The following GABRA5 variants were observed in gnomAD, a reference collection of about 807,000 sequenced individuals.
The protein encoded by GABRA5 is gamma-aminobutyric acid type A receptor subunit alpha5.
A neutral mutation model predicts 47.3 loss-of-function variants in GABRA5; 18 were observed. The ratio of observed to expected loss-of-function variants is 0.38; its 90% confidence interval spans 0.26 to 0.56. The LOEUF (loss-of-function observed/expected upper bound fraction) is 0.56. Ranked by LOEUF, GABRA5 falls within the 20% of genes least tolerant of loss-of-function variation. GABRA5 has a pLI of 0.71. For synonymous variants in GABRA5, 237 were observed against 229.3 expected (o/e 1.03, Z -0.30); for missense variants, 365 against 599.3 (o/e 0.61, Z 4.08).
At chr15:26,914,918 A>T in intron 7 of GABRA5, 33 bp downstream of exon 7, 1 of 1,556,486 alleles carries the variant, frequency 6.4e-7, no homozygotes. Context: ...AGCCTTGGAC[A>T]TATACTTTGG....
intron 6 of GABRA5, among the ~76,000 whole-genome samples, chr15:26,893,818 G>T (rs1173774477): frequency 6.6e-6 from 1 of 152,060 alleles, no homozygotes; most frequent in African/African-American, 2.4e-5. Context: ...GAGAGGCTGG[G>T]CCAGGGGACC....
chr15:26,924,651 G>A (rs1043691938), intron 7 of GABRA5, among the ~76,000 whole-genome samples: 2 of 152,166 alleles, frequency 1.3e-5, no homozygotes, highest in Non-Finnish European at 1.5e-5. Context: ...CACCTGGTGA[G>A]GGCAGAAGTC....
intron 3 of GABRA5, chr15:26,877,698 G>A (rs1370305253): frequency 2.2e-6 from 1 of 454,970 alleles, no homozygotes; most frequent in African/African-American, 2.0e-5. Context: ...ACTCTTTCAA[G>A]TACCAAATAA....
At chr15:26,894,435 C>G (rs143023724) in intron 6 of GABRA5, among the ~76,000 whole-genome samples, 1 of 152,186 alleles carries the variant, frequency 6.6e-6, no homozygotes, top group South Asian at 2.1e-4. Flanking sequence ...GCTCCCGGAA[C>G]GATCCCGGGC....
In GABRA5 at chr15:26,874,008, A is replaced by T. The variant is rs1355083270; in HGVS notation, c.86+4674A>T. 1.3e-5 allele frequency among the ~76,000 whole-genome samples: 2 copies of T among 152,238 alleles called. 1 individual carries two copies. The highest frequency in any genetic ancestry group is 2.9e-5 in the Non-Finnish European group (2 of 68,044). ...GAAACTTTCAGCATGTTCAGCAGGCACTGAGCAGGCAGGAGAGTCGGCCAG... is the reference window on the plus strand; with the variant it reads ...GAAACTTTCAGCATGTTCAGCAGGCTCTGAGCAGGCAGGAGAGTCGGCCAG... On this transcript the variant is annotated intron_variant, in intron 3 of 10. Transcript: ENST00000335625.
chr15:26,941,466 A>AT (rs1894383087), intron 9 of GABRA5, among the ~76,000 whole-genome samples: 1 of 152,120 alleles, frequency 6.6e-6, no homozygotes, highest in Admixed American at 6.5e-5. Context: ...ATTTCTATTG[A>AT]TTCCTTTGGA....
In GABRA5 at chr15:26,949,185, T is replaced by G. The variant is rs144661291; in HGVS notation, c.*952T>G. 3 of 152,220 alleles carry G rather than the reference T, an allele frequency of 2.0e-5. No homozygotes were observed. The highest frequency in any genetic ancestry group is 4.4e-5 in the Non-Finnish European group (3 of 67,996). The allele number at this position is 152,220 out of a possible 1,614,324, so 9.4% of individuals were successfully genotyped here. ...TGAATCTTAAATGTTCATTAAAAAA[T>G]AAAAAATGAACTGATCTTGTGGACA... On this transcript the variant is annotated 3_prime_UTR_variant, in exon 11 of 11. Transcript: ENST00000335625.
rs984423678 is a variant in GABRA5, at chr15:26,883,888, G to A, written c.497+331G>A. Among the ~76,000 whole-genome samples the A allele has an allele frequency of 6.6e-6, 1 of 152,090 alleles. No individual in the cohort carries two copies. Among genetic ancestry groups the A allele is most frequent in the Non-Finnish European group, 1.5e-5 (1 of 68,030 alleles). On this transcript the variant is annotated intron_variant, in intron 6 of 10. Transcript: ENST00000335625. The surrounding 1 kb of genome is among the most constrained non-coding windows in gnomAD (Gnocchi z 4.8). ...AAACATCTAAGGAGGACCGGGCGTG[G>A]TGGCTCATGCCTGTACACCTTTAAT... is the stretch of plus-strand genomic sequence containing the variant.
intron 6 of GABRA5, among the ~76,000 whole-genome samples, chr15:26,894,127 C>T (rs903187001): frequency 3.5e-4 from 53 of 152,138 alleles, no homozygotes; most frequent in Non-Finnish European, 6.8e-4. Context: ...CGGGCAGAAG[C>T]CCTGCCCAGA....
At chr15:26,942,310 C>G (rs990396652) in intron 9 of GABRA5, among the ~76,000 whole-genome samples, 3 of 152,230 alleles carry the variant, frequency 2.0e-5, no homozygotes, top group Admixed American at 6.5e-5. Context: ...AGGGATCCAG[C>G]CTGGCTGTGT....
intron 6 of GABRA5, among the ~76,000 whole-genome samples, chr15:26,885,322 G>A (rs1392606512): frequency 2.7e-5 from 4 of 150,716 alleles, no homozygotes; most frequent in African/African-American, 9.8e-5. Flanking sequence ...AAAAGAATGT[G>A]GTGACTCAGG....
chr15:26,938,188 C>A (rs908848672), intron 8 of GABRA5, among the ~76,000 whole-genome samples: 1 of 152,340 alleles, frequency 6.6e-6, no homozygotes, highest in South Asian at 2.1e-4. Flanking sequence ...CACACACACG[C>A]AGTCAGCACC....
intron 6 of GABRA5, among the ~76,000 whole-genome samples, chr15:26,886,427 G>A (rs944728713): frequency 6.6e-6 from 1 of 152,204 alleles, no homozygotes; most frequent in East Asian, 1.9e-4. Flanking sequence ...AAGGGGAAGA[G>A]GCAGGAATGG....
In GABRA5 at chr15:26,948,553, C is replaced by G. The variant is rs887854813; in HGVS notation, c.*320C>G. 2 of 241,084 alleles carry G rather than the reference C, an allele frequency of 8.3e-6. No homozygotes were observed. The highest frequency in any genetic ancestry group is 4.5e-5 in the African/African-American group (2 of 44,882). The allele number at this position is 241,084 out of a possible 1,614,324, so 14.9% of individuals were successfully genotyped here. A position where few individuals can be genotyped will look rare whatever the true frequency, so the allele number is the denominator to read the frequency against. ...TTTAACTGCTTCAAGTGTTACCTAA[C>G]AATGTTTTTTATACTTCAAATGTCA... is the stretch of plus-strand genomic sequence containing the variant. On this transcript the variant is annotated 3_prime_UTR_variant, in exon 11 of 11. Transcript: ENST00000335625.
chr15:26,917,770 C>G (rs1019655629), intron 7 of GABRA5, among the ~76,000 whole-genome samples: 5 of 151,868 alleles, frequency 3.3e-5, no homozygotes, highest in African/African-American at 1.2e-4. Flanking sequence ...CTTCCTATTT[C>G]TTTGTGATTC....
intron 7 of GABRA5, among the ~76,000 whole-genome samples, chr15:26,915,577 A>C (rs1893699595): frequency 6.6e-6 from 1 of 152,198 alleles, no homozygotes; most frequent in Non-Finnish European, 1.5e-5. Flanking sequence ...AATGTTTAAA[A>C]ATATTCTTGA....
intron 7 of GABRA5, among the ~76,000 whole-genome samples, chr15:26,920,032 T>C (rs61999585): frequency 0.16 from 24,373 of 152,104 alleles, 2,565 homozygotes; most frequent in Non-Finnish European, 0.21. Context: ...TTGAAAATTC[T>C]TTCTTTGACT....
intron 6 of GABRA5, among the ~76,000 whole-genome samples, chr15:26,894,163 T>C (rs1893117020): frequency 2.0e-5 from 3 of 152,146 alleles, no homozygotes; most frequent in Non-Finnish European, 4.4e-5. Context: ...GCCCGGACTC[T>C]GCGAGCAGCC....
chr15:26,900,079 C>A (rs550821230), intron 6 of GABRA5, among the ~76,000 whole-genome samples: 2 of 151,854 alleles, frequency 1.3e-5, no homozygotes, highest in Non-Finnish European at 2.9e-5. Flanking sequence ...GGTTACCCTG[C>A]GGAATAAAAT....
Sources: allele counts gnomAD v4.1 joint callset (sites outside exome capture counted in the v4.1 genomes callset), GRCh38; gene constraint gnomAD v4.1.1; non-coding constraint Gnocchi (gnomAD v3.1); transcripts MANE v1.5; gene names NCBI Gene and HGNC (gene_info 2026-07-23, HGNC 2026-07-21).